The following PLCB4 variants were observed in gnomAD, a reference collection of about 807,000 sequenced individuals.
PLCB4 encodes the protein 1-phosphatidylinositol 4,5-bisphosphate phosphodiesterase beta-4.
PLCB4 carries 77 observed loss-of-function variants against 178.8 expected under a neutral mutation model. The observed-to-expected ratio is 0.43, with a 90% CI of 0.36 to 0.52. The LOEUF is 0.52. Among genes scored for constraint, PLCB4 ranks in the 20% least tolerant of loss-of-function variants. The pLI, the probability that PLCB4 is intolerant of heterozygous loss-of-function variation, is 0.00. For synonymous variants in PLCB4, 496 were observed against 490.8 expected (o/e 1.01, Z -0.14); for missense variants, 1,024 against 1,453.4 (o/e 0.70, Z 4.80).
chr20:9,258,680 A>T (rs1401172576), intron 3 of PLCB4, among the ~76,000 whole-genome samples: 1 of 141,586 alleles, frequency 7.1e-6, no homozygotes, highest in Non-Finnish European at 1.5e-5. Context: ...CCGCCAATGC[A>T]CTCCAGCCTG....
chr20:9,398,138 G>A (rs1254600372), intron 19 of PLCB4, among the ~76,000 whole-genome samples: 1 of 152,186 alleles, frequency 6.6e-6, no homozygotes, highest in African/African-American at 2.4e-5. Context: ...GTCTCAAGAG[G>A]CAGGAAGCAG....
At chr20:9,216,536 G>A (rs919761840) in intron 2 of PLCB4, among the ~76,000 whole-genome samples, 8 of 151,620 alleles carry the variant, frequency 5.3e-5, no homozygotes, top group Admixed American at 3.3e-4. Flanking sequence ...GTTTTACTCC[G>A]TTGCCCAGGC....
At chr20:9,263,521 C>T (rs182962418) in intron 3 of PLCB4, among the ~76,000 whole-genome samples, 5 of 152,118 alleles carry the variant, frequency 3.3e-5, no homozygotes, top group Admixed American at 6.6e-5. Context: ...GTTAGAGTCG[C>T]GTGGTAACAA....
intron 25 of PLCB4, among the ~76,000 whole-genome samples, chr20:9,417,985 G>GT (rs1162796712): frequency 1.3e-5 from 2 of 151,860 alleles, no homozygotes; most frequent in Admixed American, 6.6e-5. Flanking sequence ...GTGCTTCTTG[G>GT]TTTTTTGTAT....
intron 2 of PLCB4, among the ~76,000 whole-genome samples, chr20:9,175,921 G>A (rs758792219): frequency 9.9e-5 from 15 of 152,072 alleles, no homozygotes; most frequent in South Asian, 2.1e-4. Context: ...TTTGCATTGC[G>A]TGAGTCTTAG....
chr20:9,266,502 A>G (rs1274193913), intron 3 of PLCB4, among the ~76,000 whole-genome samples: 1 of 152,202 alleles, frequency 6.6e-6, no homozygotes, highest in East Asian at 1.9e-4. Flanking sequence ...AGTTGGATCC[A>G]CACCTATATC....
At chr20:9,336,166 C>T (rs2032429527) in intron 4 of PLCB4, among the ~76,000 whole-genome samples, 1 of 152,120 alleles carries the variant, frequency 6.6e-6, no homozygotes, top group African/African-American at 2.4e-5. Context: ...CCAGTTTCTT[C>T]AGCTCATGAA....
chr20:9,381,976 G>C (rs146624236), intron 13 of PLCB4, among the ~76,000 whole-genome samples: 1 of 152,038 alleles, frequency 6.6e-6, no homozygotes, highest in African/African-American at 2.4e-5. Context: ...AAACTCTCCA[G>C]TCCTAACCTC....
intron 15 of PLCB4, among the ~76,000 whole-genome samples, chr20:9,388,209 G>A (rs2037840898): frequency 6.6e-6 from 1 of 152,186 alleles, no homozygotes; most frequent in African/African-American, 2.4e-5. Flanking sequence ...TTGCATTCTA[G>A]CCTGGACAAC....
At chr20:9,279,441 A>G (rs922057840) in intron 3 of PLCB4, among the ~76,000 whole-genome samples, 2 of 151,994 alleles carry the variant, frequency 1.3e-5, no homozygotes, top group Non-Finnish European at 2.9e-5. Flanking sequence ...AAGGGGGGGA[A>G]ATGACATTTG....
intron 2 of PLCB4, among the ~76,000 whole-genome samples, chr20:9,112,304 G>T (rs913024114): frequency 6.8e-6 from 1 of 146,218 alleles, no homozygotes; most frequent in Non-Finnish European, 1.5e-5. Context: ...TGCCCAGGCC[G>T]CAGTACAGTG....
intron 2 of PLCB4, among the ~76,000 whole-genome samples, chr20:9,165,793 T>TTGTGTGTGTGTGTGTGTGTGTG (rs3036061): frequency 7.2e-6 from 1 of 139,650 alleles, no homozygotes; most frequent in African/African-American, 2.7e-5. Context: ...CTGGGGCTGT[T>TTGTGTGTGTGTGTGTGTGTGTG]TGTGTGTGTG....
intron 35 of PLCB4, among the ~76,000 whole-genome samples, chr20:9,463,137 C>A (rs578147203): frequency 6.6e-6 from 1 of 152,170 alleles, no homozygotes; most frequent in South Asian, 2.1e-4. Context: ...AAAGGATTTT[C>A]AACCCAGAAT....
chr20:9,373,304 A>G (rs1289890510), intron 12 of PLCB4, among the ~76,000 whole-genome samples, 200 bp downstream of exon 12: 3 of 152,164 alleles, frequency 2.0e-5, no homozygotes, highest in Admixed American at 1.3e-4. Context: ...GGCTTTGCAC[A>G]CCACTTTTTG....
chr20:9,255,771 G>A (rs2147511600), intron 3 of PLCB4, among the ~76,000 whole-genome samples: 1 of 152,220 alleles, frequency 6.6e-6, no homozygotes, highest in Middle Eastern at 3.4e-3. Context: ...TTCGTAGCAT[G>A]AAAGCAGACA....
intron 35 of PLCB4, among the ~76,000 whole-genome samples, chr20:9,468,158 C>T (rs1192209928): frequency 2.0e-5 from 3 of 152,078 alleles, no homozygotes; most frequent in Admixed American, 1.3e-4. Flanking sequence ...AATACTGTCT[C>T]CTCATCACAG....
In PLCB4 at chr20:9,468,689, T is replaced by C; in HGVS notation, c.3350+17T>C. The C allele has an allele frequency of 7.2e-7, 1 of 1,380,014 alleles. No homozygotes were observed. Among genetic ancestry groups the C allele is most frequent in the East Asian group, 2.3e-5 (1 of 43,772 alleles). 85.5% of individuals were successfully genotyped at this position (1,380,014 alleles called of 1,614,324 possible). A position where few individuals can be genotyped will look rare whatever the true frequency, so the allele number is the denominator to read the frequency against. ...ACGGGAAAGGTAAGTCTGAGAGTGT[T>C]CACTGCAGGAATATGGCATTGACTT... On this transcript the variant is annotated intron_variant, in intron 36 of 39. Transcript: ENST00000378473.
chr20:9,419,350 T>C (rs2040467917), intron 25 of PLCB4, among the ~76,000 whole-genome samples: 1 of 152,214 alleles, frequency 6.6e-6, no homozygotes, highest in East Asian at 1.9e-4. Context: ...GTTACAGCTG[T>C]CTCAAAATAT....
At chr20:9,140,885 T>C (rs536583881) in intron 2 of PLCB4, among the ~76,000 whole-genome samples, 2 of 152,208 alleles carry the variant, frequency 1.3e-5, no homozygotes, top group East Asian at 3.9e-4. Flanking sequence ...ACAGAGGTAG[T>C]TGCCCTGAAG....
Sources: gnomAD v4.1 joint callset for allele counts (sites outside exome capture counted in the v4.1 genomes callset) on GRCh38, gnomAD v4.1.1 for gene constraint, MANE v1.5 for transcripts, NCBI Gene and HGNC (gene_info 2026-07-23, HGNC 2026-07-21) for gene names.